Variants in HSD17B12 observed in about 807,000 individuals in gnomAD.
The protein encoded by HSD17B12 is hydroxysteroid 17-beta dehydrogenase 12.
Under a neutral mutation model 39.3 loss-of-function variants are expected in HSD17B12, and 32 were observed. The ratio of observed to expected loss-of-function variants is 0.81; its 90% CI spans 0.61 to 1.09. The LOEUF is 1.09. Among genes scored for constraint, HSD17B12 ranks in the 50% least tolerant of loss-of-function variants. HSD17B12 has a pLI of 0.00. For synonymous variants in HSD17B12, 150 were observed against 146.7 expected, an observed-to-expected ratio of 1.02 and a Z score of -0.16; for missense variants, 342 against 382.9, an observed-to-expected ratio of 0.89 and a Z score of 0.89.
At chr11:43,779,511 A>T (rs4755739) in intron 3 of HSD17B12, among the ~76,000 whole-genome samples, 3,009 of 152,284 alleles carry the variant, frequency 0.02, 86 homozygotes, top group African/African-American at 0.054. Context: ...GGAGACCCAG[A>T]TTCATCTGTC....
rs1291997373 is a variant in HSD17B12, at chr11:43,778,142, A to G, written c.284-20178A>G. Among the ~76,000 whole-genome samples, 170 of 152,288 alleles carry G rather than the reference A, an allele frequency of 1.1e-3. 4 individuals are homozygous for G. The highest frequency in any genetic ancestry group is 0.011 in the Admixed American group (167 of 15,290). ...AATCAAATAGACACAATAAAAAATG[A>G]TAAAGGGGATATCACCACCGATCCC... On this transcript the variant is annotated intron_variant, in intron 3 of 10. Coordinates refer to ENST00000278353, the MANE Select transcript of HSD17B12 (RefSeq NM_016142.3).
chr11:43,690,443 T>C (rs1212324349), intron 1 of HSD17B12, among the ~76,000 whole-genome samples: 1 of 127,718 alleles, frequency 7.8e-6, no homozygotes, highest in Non-Finnish European at 1.6e-5. Context: ...TCTCACTATA[T>C]TGCCCAGGCT....
At chr11:43,766,866 C>T (rs1053773952) in intron 3 of HSD17B12, among the ~76,000 whole-genome samples, 2 of 152,208 alleles carry the variant, frequency 1.3e-5, no homozygotes, top group African/African-American at 4.8e-5. Context: ...AACGTTTTCT[C>T]TAAGTGTAGC....
chr11:43,728,363 G>A (rs1325070402), intron 1 of HSD17B12, among the ~76,000 whole-genome samples: 1 of 151,854 alleles, frequency 6.6e-6, no homozygotes, highest in Non-Finnish European at 1.5e-5. Context: ...ATTGCACCTG[G>A]CCCAATTCTG....
At chr11:43,660,498 CTAAT>C in the HSD17B12 span, among the ~76,000 whole-genome samples, 10 of 152,118 alleles carry the variant, frequency 6.6e-5, no homozygotes, top group African/African-American at 1.2e-4. Flanking sequence ...TTAACTAACA[CTAAT>C]TAAAGTCACA....
the HSD17B12 span, among the ~76,000 whole-genome samples, chr11:43,659,354 G>A: frequency 2.0e-5 from 3 of 152,202 alleles, no homozygotes; most frequent in Non-Finnish European, 4.4e-5. Context: ...GTGAGGCGAT[G>A]CCTTGCCCTG....
the HSD17B12 span, among the ~76,000 whole-genome samples, chr11:43,609,854 A>G: frequency 3.9e-5 from 6 of 152,208 alleles, no homozygotes; most frequent in Non-Finnish European, 5.9e-5. Flanking sequence ...CATGGCTTCT[A>G]TCATCGAGAG....
At chr11:43,767,098 A>G (rs1266123792) in intron 3 of HSD17B12, among the ~76,000 whole-genome samples, 3 of 152,170 alleles carry the variant, frequency 2.0e-5, no homozygotes, top group Admixed American at 1.3e-4. Context: ...CACCGTGGCC[A>G]GACACTAGCT....
At chr11:43,683,392 AT>A (rs911817427) in intron 1 of HSD17B12, among the ~76,000 whole-genome samples, 91 of 146,874 alleles carry the variant, frequency 6.2e-4, no homozygotes, top group South Asian at 4.3e-4. Flanking sequence ...TGGGTTTTGG[AT>A]TTTTTTTTTT....
At chr11:43,710,801 G>A (rs183064458) in intron 1 of HSD17B12, among the ~76,000 whole-genome samples, 53 of 151,884 alleles carry the variant, frequency 3.5e-4, no homozygotes, top group Admixed American at 1.2e-3. Flanking sequence ...GTATTTTTTC[G>A]TTTTTTTGAG....
chr11:43,846,237 A>G (rs1565111150), intron 9 of HSD17B12, among the ~76,000 whole-genome samples: 1 of 152,274 alleles, frequency 6.6e-6, no homozygotes, highest in Non-Finnish European at 1.5e-5. Flanking sequence ...AATGATATAT[A>G]AGGGTGAAGA....
At chr11:43,654,931 A>G in the HSD17B12 span, among the ~76,000 whole-genome samples, 201 of 152,236 alleles carry the variant, frequency 1.3e-3, no homozygotes, top group African/African-American at 4.6e-3. Flanking sequence ...GTTTTTTCCA[A>G]TTCTGTGAAG....
At chr11:43,673,621 A>T in the HSD17B12 span, among the ~76,000 whole-genome samples, 1 of 150,982 alleles carries the variant, frequency 6.6e-6, no homozygotes, top group Non-Finnish European at 1.5e-5. Context: ...CCTCCCAAGT[A>T]GCTAGGACTA....
chr11:43,756,279 G>A (rs573061546), intron 3 of HSD17B12, among the ~76,000 whole-genome samples: 8 of 151,508 alleles, frequency 5.3e-5, no homozygotes, highest in Non-Finnish European at 1.2e-4. Context: ...AGCTGAGCAT[G>A]TGGTATATAG....
At chr11:43,619,246 ATAT>A in the HSD17B12 span, among the ~76,000 whole-genome samples, 4 of 26,760 alleles carry the variant, frequency 1.5e-4, no homozygotes, top group Non-Finnish European at 2.5e-4. Context: ...TATATATAAA[ATAT>A]ATATATATAT....
chr11:43,575,132 G>A, the HSD17B12 span, among the ~76,000 whole-genome samples: 3 of 152,342 alleles, frequency 2.0e-5, no homozygotes, highest in South Asian at 6.2e-4. The surrounding 1 kb of genome is among the most constrained non-coding windows in gnomAD (Gnocchi z 4.1). Flanking sequence ...GTGTGCATGT[G>A]TGTATTTAAT....
the HSD17B12 span, among the ~76,000 whole-genome samples, chr11:43,600,515 C>G: frequency 6.6e-6 from 1 of 152,006 alleles, no homozygotes; most frequent in African/African-American, 2.4e-5. Context: ...GATTATTTTC[C>G]TTTGTAGATT....
intron 1 of HSD17B12, among the ~76,000 whole-genome samples, chr11:43,691,674 T>C (rs1038472773): frequency 1.3e-5 from 2 of 152,198 alleles, no homozygotes; most frequent in Non-Finnish European, 2.9e-5. Flanking sequence ...GTCAGAAGTT[T>C]CATAATGTCT....
At chr11:43,699,310 G>T (rs550764032) in intron 1 of HSD17B12, among the ~76,000 whole-genome samples, 1 of 152,050 alleles carries the variant, frequency 6.6e-6, no homozygotes, top group Non-Finnish European at 1.5e-5. Flanking sequence ...TTAGCTTAAG[G>T]CTTTTTATTA....
Sources: gnomAD v4.1 joint callset for allele counts (sites outside exome capture counted in the v4.1 genomes callset) on GRCh38, gnomAD v4.1.1 for gene constraint, Gnocchi (gnomAD v3.1) non-coding constraint, MANE v1.5 for transcripts, NCBI Gene and HGNC (gene_info 2026-07-23, HGNC 2026-07-21) for gene names.